TRIM44: variants seen among roughly 807,000 people sequenced by gnomAD.
TRIM44 encodes the protein tripartite motif containing 44.
A neutral mutation model predicts 37.4 loss-of-function variants in TRIM44; 13 were observed. The ratio of observed to expected loss-of-function variants is 0.35; its 90% CI spans 0.23 to 0.55. TRIM44 has a LOEUF of 0.55. Among genes scored for constraint, TRIM44 ranks in the 20% least tolerant of loss-of-function variants. TRIM44 has a pLI of 0.89. For synonymous variants in TRIM44, 175 were observed against 157.2 expected (o/e 1.11, Z -0.85); for missense variants, 426 against 437.2 (o/e 0.97, Z 0.23).
chr11:35,665,878 G>A (rs552597826), intron 1 of TRIM44, among the ~76,000 whole-genome samples: 1 of 151,872 alleles, frequency 6.6e-6, no homozygotes, highest in East Asian at 1.9e-4. Context: ...GTTAGCCACT[G>A]TGCCCAGCTA....
At chr11:35,713,800 G>C (rs1012167838) in intron 2 of TRIM44, among the ~76,000 whole-genome samples, 1 of 152,086 alleles carries the variant, frequency 6.6e-6, no homozygotes, top group Non-Finnish European at 1.5e-5. Context: ...TACCATGAGA[G>C]GCAAGTTGTG....
chr11:35,811,282 A>C lies in TRIM44; in HGVS notation c.*4897A>C, dbSNP rs1336559487. 1 of 152,172 alleles carries C rather than the reference A, an allele frequency of 6.6e-6. No homozygotes were observed. Among genetic ancestry groups the C allele is most frequent in the East Asian group, 1.9e-4 (1 of 5,190 alleles). The allele number at this position is 152,172 out of a possible 1,614,324, so 9.4% of individuals were successfully genotyped here. A position where few individuals can be genotyped will look rare whatever the true frequency, so the allele number is the denominator to read the frequency against. On this transcript the variant is annotated 3_prime_UTR_variant, in exon 5 of 5. Transcript: ENST00000299413. ...AGTGATAAGTTTTCTCCTCAAAGTA[A>C]AATGATCCAGGCCTAGATTACATTT... is the stretch of plus-strand genomic sequence containing the variant.
intron 2 of TRIM44, among the ~76,000 whole-genome samples, chr11:35,712,437 T>C (rs1038630991): frequency 4.5e-4 from 69 of 152,262 alleles, no homozygotes; most frequent in African/African-American, 1.6e-3. Context: ...CTCTTCTCCC[T>C]TCCCCTGCAG....
At chr11:35,780,949 G>A (rs542800467) in intron 4 of TRIM44, among the ~76,000 whole-genome samples, 1 of 152,112 alleles carries the variant, frequency 6.6e-6, no homozygotes, top group Non-Finnish European at 1.5e-5. Context: ...CTTCTGTGGT[G>A]GAATTTAACT....
rs117297140 is a variant in TRIM44 at position 35,701,073 on chromosome 11, C to T, written c.747+15737C>T. 1.9e-4 allele frequency among the ~76,000 whole-genome samples: 29 copies of T among 151,988 alleles called. 1 individual carries two copies. In the East Asian group the frequency reaches 4.1e-3, roughly 21 times the overall value. On this transcript the variant is annotated intron_variant, in intron 2 of 4. Transcript: ENST00000299413. ...GGTGGAGTCCTTGGAAGAACAGGGC[C>T]GGGAAAGCATGCAGTTTCTAAGGCC...
chr11:35,765,642 A>C (rs924157142), intron 4 of TRIM44, among the ~76,000 whole-genome samples: 1 of 152,178 alleles, frequency 6.6e-6, no homozygotes, highest in African/African-American at 2.4e-5. Flanking sequence ...GGGTTTTGCC[A>C]GCATTTATCC....
At chr11:35,797,074 G>A (rs969541632) in intron 4 of TRIM44, among the ~76,000 whole-genome samples, 1 of 152,146 alleles carries the variant, frequency 6.6e-6, no homozygotes, top group Non-Finnish European at 1.5e-5. Flanking sequence ...GTCTGGGGAG[G>A]AAATAGCTAA....
chr11:35,689,778 C>T (rs577233053), intron 2 of TRIM44, among the ~76,000 whole-genome samples: 1 of 152,278 alleles, frequency 6.6e-6, no homozygotes, highest in East Asian at 1.9e-4. Flanking sequence ...TTGGAAAACA[C>T]GTTGATTCCC....
At chr11:35,779,516 A>C (rs190582362) in intron 4 of TRIM44, among the ~76,000 whole-genome samples, 1 of 152,164 alleles carries the variant, frequency 6.6e-6, no homozygotes, top group South Asian at 2.1e-4. Flanking sequence ...CCCGTCTTCT[A>C]TTGCTCACGC....
chr11:35,790,465 G>A (rs773842079), intron 4 of TRIM44, among the ~76,000 whole-genome samples: 12 of 152,220 alleles, frequency 7.9e-5, no homozygotes, highest in South Asian at 2.1e-4. Context: ...ACTGGACTTT[G>A]TTCAATCTTG....
At position 35,668,137 on chromosome 11, in the gene TRIM44, G is replaced by T. The variant is rs1271743211; in HGVS notation, c.669+4357G>T. 1.3e-5 allele frequency among the ~76,000 whole-genome samples: 2 copies of T among 152,154 alleles called. 1 individual carries two copies. The highest frequency in any genetic ancestry group is 1.3e-4 in the Admixed American group (2 of 15,288). Reference sequence around the variant, plus strand: ...AGGGGGAAGGGAGAGTTGGTTTATTGTTGGTGCTTTCTTTTGTTTTGTTTT... The same window carrying T: ...AGGGGGAAGGGAGAGTTGGTTTATTTTTGGTGCTTTCTTTTGTTTTGTTTT... On this transcript the variant is annotated intron_variant, in intron 1 of 4. Coordinates refer to ENST00000299413, the MANE Select transcript of TRIM44 (RefSeq NM_017583.6).
At chr11:35,685,194 T>C (rs1851560250) in intron 1 of TRIM44, 65 bp from the exon 2 acceptor site, 1 of 1,348,540 alleles carries the variant, frequency 7.4e-7, no homozygotes, top group African/African-American at 1.5e-5. Context: ...TCTTCCAAAA[T>C]GCTGTTTGTG....
At chr11:35,713,903 C>T (rs1852008046) in intron 2 of TRIM44, among the ~76,000 whole-genome samples, 1 of 152,166 alleles carries the variant, frequency 6.6e-6, no homozygotes, top group Non-Finnish European at 1.5e-5. Flanking sequence ...CTGTACTTTG[C>T]TTCTGTATCA....
intron 2 of TRIM44, among the ~76,000 whole-genome samples, chr11:35,692,561 G>C (rs1016070884): frequency 5.9e-5 from 9 of 152,268 alleles, no homozygotes; most frequent in African/African-American, 2.2e-4. Flanking sequence ...AAGAATTTTG[G>C]AGTTTGGAGG....
intron 1 of TRIM44, among the ~76,000 whole-genome samples, chr11:35,671,857 A>C (rs1019089195): frequency 6.6e-6 from 1 of 152,156 alleles, no homozygotes; most frequent in African/African-American, 2.4e-5. Context: ...TGTGGGTCGA[A>C]GTTTGAACTG....
rs1565048198 is a variant in TRIM44 at position 35,812,783 on chromosome 11, A to G, written c.*6398A>G. ...TTTTGCAAAGAAGGTCTTGCTTTGT[A>G]TAGCCTGTAAAATGCAATGTACAGT... On this transcript the variant is annotated 3_prime_UTR_variant, in exon 5 of 5. Coordinates refer to ENST00000299413, the MANE Select transcript of TRIM44 (RefSeq NM_017583.6). 6.6e-6 allele frequency: 1 copy of G among 152,224 alleles called. No individual in the cohort carries two copies. Among genetic ancestry groups the G allele is most frequent in the East Asian group, 1.9e-4 (1 of 5,204 alleles). 9.4% of individuals were successfully genotyped at this position (152,224 alleles called of 1,614,324 possible). A position where few individuals can be genotyped will look rare whatever the true frequency, so the allele number is the denominator to read the frequency against.
chr11:35,706,805 C>T (rs191480129), intron 2 of TRIM44, among the ~76,000 whole-genome samples: 3,934 of 151,718 alleles, frequency 0.026, 73 homozygotes, highest in Non-Finnish European at 0.04. Flanking sequence ...CAGCCAATAT[C>T]ATACTGAATG....
intron 4 of TRIM44, among the ~76,000 whole-genome samples, chr11:35,804,161 A>G (rs762451226): frequency 6.6e-6 from 1 of 152,188 alleles, no homozygotes; most frequent in Admixed American, 6.5e-5. Context: ...TAATCAATAA[A>G]TGATATGCCA....
intron 2 of TRIM44, among the ~76,000 whole-genome samples, chr11:35,691,165 G>A (rs1436971309): frequency 6.6e-6 from 1 of 152,220 alleles, no homozygotes; most frequent in Non-Finnish European, 1.5e-5. Flanking sequence ...CTCGCTAAAT[G>A]AAGAACTGAG....
Sources: allele counts gnomAD v4.1 joint callset (sites outside exome capture counted in the v4.1 genomes callset), GRCh38; gene constraint gnomAD v4.1.1; transcripts MANE v1.5; gene names NCBI Gene and HGNC (gene_info 2026-07-23, HGNC 2026-07-21).